Variants in NAA11 observed in about 807,000 individuals in gnomAD.
NAA11 encodes the protein N-alpha-acetyltransferase 11, NatA catalytic subunit.
A neutral mutation model predicts 16.1 loss-of-function variants in NAA11; 15 were observed. The observed-to-expected ratio is 0.93, with a 90% CI of 0.62 to 1.44. NAA11 has a LOEUF of 1.44. Among genes scored for constraint, NAA11 ranks in the 40% most tolerant of loss-of-function variants. The pLI, the probability that NAA11 is intolerant of heterozygous loss-of-function variation, is 0.00. For synonymous variants in NAA11, 122 were observed against 112.4 expected, an observed-to-expected ratio of 1.09 and a Z score of -0.54; for missense variants, 298 against 291.3, an observed-to-expected ratio of 1.02 and a Z score of -0.17.
intron 2 of NAA11, among the ~76,000 whole-genome samples, chr4:79,272,035 G>T (rs990244400): frequency 2.0e-5 from 3 of 151,274 alleles, no homozygotes; most frequent in African/African-American, 7.3e-5. Context: ...CACATATAGA[G>T]ATATATACAC....
At chr4:79,172,767 G>T in the NAA11 span, among the ~76,000 whole-genome samples, 1 of 152,124 alleles carries the variant, frequency 6.6e-6, no homozygotes, top group South Asian at 2.1e-4. Flanking sequence ...TAATTCCTGA[G>T]ACTGAAAACT....
At chr4:79,218,200 A>G in the NAA11 span, among the ~76,000 whole-genome samples, 1 of 152,160 alleles carries the variant, frequency 6.6e-6, no homozygotes, top group Non-Finnish European at 1.5e-5. Flanking sequence ...GATCAGTATC[A>G]TGTGTCCTCA....
chr4:79,297,436 G>A (rs558154561), intron 1 of NAA11, among the ~76,000 whole-genome samples: 108 of 152,256 alleles, frequency 7.1e-4, no homozygotes, highest in Admixed American at 1.9e-3. Flanking sequence ...CGAGAGCTCC[G>A]CCCTCCCAAA....
chr4:79,246,007 AG>A (rs1721813313), intron 2 of NAA11, among the ~76,000 whole-genome samples: 1 of 152,218 alleles, frequency 6.6e-6, no homozygotes, highest in Non-Finnish European at 1.5e-5. Flanking sequence ...TAGACATAGG[AG>A]ACTCCATTTT....
chr4:79,253,858 C>T (rs895186006), intron 2 of NAA11, among the ~76,000 whole-genome samples: 1 of 152,172 alleles, frequency 6.6e-6, no homozygotes, highest in Non-Finnish European at 1.5e-5. Context: ...GACACATTGC[C>T]AGACTTTTAT....
chr4:79,193,879 GT>G, the NAA11 span, among the ~76,000 whole-genome samples: 62 of 152,236 alleles, frequency 4.1e-4, no homozygotes, highest in South Asian at 5.2e-3. Context: ...TCTTCCATTT[GT>G]TTGTCTCTTC....
chr4:79,166,174 G>C, the NAA11 span, among the ~76,000 whole-genome samples: 1 of 152,140 alleles, frequency 6.6e-6, no homozygotes, highest in Non-Finnish European at 1.5e-5. Flanking sequence ...AGTAGACTGA[G>C]AAAACTTATC....
chr4:79,203,636 C>G, the NAA11 span, among the ~76,000 whole-genome samples: 1 of 150,850 alleles, frequency 6.6e-6, no homozygotes, highest in African/African-American at 2.4e-5. Context: ...TTTAAGAGGA[C>G]ACTAACTATG....
At chr4:79,190,081 A>C in the NAA11 span, among the ~76,000 whole-genome samples, 4 of 152,206 alleles carry the variant, frequency 2.6e-5, no homozygotes, top group Non-Finnish European at 5.9e-5. Context: ...ACCCGCACAA[A>C]GCTAAATTAT....
intron 1 of NAA11, chr4:79,308,573 G>A (rs188206899): frequency 1.6e-4 from 25 of 152,172 alleles, no homozygotes; most frequent in African/African-American, 2.9e-4. Context: ...GATTACTTTC[G>A]TCCTTACAGC....
chr4:79,160,900 C>A, the NAA11 span, among the ~76,000 whole-genome samples: 2 of 151,682 alleles, frequency 1.3e-5, no homozygotes, highest in African/African-American at 4.8e-5. Context: ...GAAAAAAACA[C>A]CCTTGAAAAA....
intron 2 of NAA11, among the ~76,000 whole-genome samples, chr4:79,263,594 T>C (rs546206205): frequency 6.6e-6 from 1 of 152,286 alleles, no homozygotes; most frequent in East Asian, 1.9e-4. Context: ...GACAACAGGA[T>C]TGTACGATTA....
rs766298013 is a variant in NAA11 at position 79,325,559 on chromosome 4, C to T, written c.319G>A (p.Val107Met). ...TTACTCTTCCTGACGTGCAGAGACA[C>T]GTATTTGGCGTTAAAGTTCTCTATC... ...AMIENFNAKY[V>M]SLHVRKSNRP... The change falls in exon 1 of 2, where the codon GTG becomes ATG. Residue 107 changes from valine (V) to methionine (M), a missense_variant. Physicochemically the swap from Val to Met is conservative, Grantham distance 21. Coordinates refer to ENST00000286794, the MANE Select transcript of NAA11 (RefSeq NM_032693.3). 6.6e-5 allele frequency: 107 copies of T among 1,613,954 alleles called. No homozygotes were observed. The highest frequency in any genetic ancestry group is 8.7e-5 in the Non-Finnish European group (103 of 1,179,976).
downstream of NAA11, among the ~76,000 whole-genome samples, chr4:79,313,892 G>T (rs1723854369): frequency 6.6e-6 from 1 of 152,122 alleles, no homozygotes; most frequent in South Asian, 2.1e-4. Context: ...AGACATGCTA[G>T]GTGTCTGGTT....
intron 1 of NAA11, chr4:79,307,025 T>A (rs1180479999): frequency 4.6e-5 from 7 of 152,206 alleles, no homozygotes; most frequent in African/African-American, 1.2e-4. Context: ...AAACTCCAAG[T>A]TATTTATGTA....
chr4:79,165,084 C>T, the NAA11 span, among the ~76,000 whole-genome samples: 2,337 of 152,260 alleles, frequency 0.015, 60 homozygotes, highest in African/African-American at 0.053. Flanking sequence ...ATGCATATGC[C>T]GGAGCTGGGA....
At position 79,325,741 on chromosome 4, in the gene NAA11, T is replaced by G; in HGVS notation, c.137A>C (p.Glu46Ala). 1 of 1,614,224 alleles carries G rather than the reference T, an allele frequency of 6.2e-7. No homozygotes were observed. The change falls in exon 1 of 2, where the codon GAG (glutamate) becomes GCG (alanine). Residue 46 changes from glutamate (E) to alanine (A), a missense_variant. Physicochemically the swap from Glu to Ala is moderately radical, Grantham distance 107 (BLOSUM62 -1). Coordinates refer to ENST00000286794, the MANE Select transcript of NAA11 (RefSeq NM_032693.3). ...LSWPQLSYIA[E>A]DEDGKIVGYV... is the part of the protein sequence containing the mutation. The stretch of plus-strand genomic sequence containing the variant: ...GCCCACAATCTTCCCGTCCTCATCC[T>G]CAGCGATGTAAGAAAGCTGGGGCCA...
chr4:79,237,941 G>A lies in NAA11; in HGVS notation c.*123-11671C>T, dbSNP rs1057177148. On this transcript the variant is annotated intron_variant and NMD_transcript_variant, in intron 2 of 2. Coordinates refer to the NAA11 transcript ENST00000511542. The stretch of plus-strand genomic sequence containing the variant: ...GAAGCTATATTGCTAATTTGAAGTC[G>A]ACATAGGTCTTGCATTAAACAAAAA... 2.6e-5 allele frequency among the ~76,000 whole-genome samples: 4 copies of A among 152,248 alleles called. No individual in the cohort carries two copies. The East Asian group carries it at 5.8e-4, about 22-fold the overall frequency.
the NAA11 span, among the ~76,000 whole-genome samples, chr4:79,189,145 C>CAAAAAAGAAAAAAAAAA: frequency 2.4e-5 from 1 of 42,282 alleles, no homozygotes; most frequent in Non-Finnish European, 4.8e-5. Context: ...GACTCCATCT[C>CAAAAAAGAAAAAAAAAA]AAAAAAAAAA....
Sources: gnomAD v4.1 joint callset for allele counts (sites outside exome capture counted in the v4.1 genomes callset) on GRCh38, gnomAD v4.1.1 for gene constraint, MANE v1.5 for transcripts, NCBI Gene and HGNC (gene_info 2026-07-23, HGNC 2026-07-21) for gene names.